Variants in ASTN2 observed in about 807,000 individuals in gnomAD.
ASTN2 encodes astrotactin 2.
In ASTN2, 54 loss-of-function variants were observed where a neutral mutation model predicts 139.8. That is an observed-to-expected ratio of 0.39 (90% CI 0.31 to 0.48). The LOEUF (loss-of-function observed/expected upper bound fraction) is 0.48. Among genes scored for constraint, ASTN2 ranks in the 20% least tolerant of loss-of-function variants. The pLI is 0.95. For synonymous variants in ASTN2, 756 were observed against 719.5 expected (o/e 1.05, Z -0.81); for missense variants, 1,565 against 1,725.1 (o/e 0.91, Z 1.64).
intron 13 of ASTN2, among the ~76,000 whole-genome samples, chr9:116,761,961 C>A (rs939075480): frequency 6.6e-6 from 1 of 152,100 alleles, no homozygotes; most frequent in Non-Finnish European, 1.5e-5. Flanking sequence ...TGGGTGCTGG[C>A]GAAGATTCTT....
Position 117,060,508 on chromosome 9 carries a change from A to AG in ASTN2, c.1277-20544dup, listed in dbSNP as rs1357097965. Among the ~76,000 whole-genome samples the AG allele has an allele frequency of 2.1e-4, 21 of 100,422 alleles. 1 individual carries two copies. The highest frequency in any genetic ancestry group is 1.6e-3 in the South Asian group (4 of 2,570). The allele number at this position is 100,422 out of a possible 152,430, so 65.9% of individuals were successfully genotyped here. ...AGGAATGAAAGAAAGAAAGAAAGAAAGAAAGGAAGGAAGGAAGGAAGGAAG... is the reference window on the plus strand; with the variant it reads ...AGGAATGAAAGAAAGAAAGAAAGAAAGGAAAGGAAGGAAGGAAGGAAGGAAG... On this transcript the variant is annotated intron_variant, in intron 5 of 22. Transcript: ENST00000313400.
chr9:117,017,081 G>C (rs868721686), intron 6 of ASTN2, among the ~76,000 whole-genome samples: 1 of 151,798 alleles, frequency 6.6e-6, no homozygotes, highest in Non-Finnish European at 1.5e-5. Context: ...AAGTTTTGAC[G>C]TTTCAAAAAA....
intron 6 of ASTN2, among the ~76,000 whole-genome samples, chr9:117,025,053 AC>A (rs1456496912): frequency 1.3e-5 from 2 of 151,836 alleles, no homozygotes; most frequent in Admixed American, 6.6e-5. Context: ...TGTGAGTCAA[AC>A]CTCCTTCCTC....
At chr9:116,707,601 C>G (rs1828027689) in intron 16 of ASTN2, among the ~76,000 whole-genome samples, 1 of 151,716 alleles carries the variant, frequency 6.6e-6, no homozygotes, top group African/African-American at 2.4e-5. Context: ...GGGAAAGAAA[C>G]AAAAAACTAA....
intron 1 of ASTN2, among the ~76,000 whole-genome samples, chr9:117,298,137 C>A (rs888783721): frequency 2.0e-5 from 3 of 152,204 alleles, no homozygotes; most frequent in Non-Finnish European, 4.4e-5. Context: ...TCTACTATCC[C>A]TCATAATAAA....
chr9:117,159,722 T>C (rs1830506667), intron 3 of ASTN2, among the ~76,000 whole-genome samples: 1 of 152,058 alleles, frequency 6.6e-6, no homozygotes, highest in Admixed American at 6.6e-5. Context: ...ATAAAGAAAC[T>C]AAAAGTCTAA....
intron 2 of ASTN2, among the ~76,000 whole-genome samples, chr9:117,216,528 T>C (rs1046176342): frequency 1.3e-4 from 20 of 152,106 alleles, no homozygotes; most frequent in African/African-American, 4.6e-4. Flanking sequence ...TGTGTATTTG[T>C]GTGTGTGTGT....
chr9:116,674,816 C>T (rs1859406453), intron 16 of ASTN2, among the ~76,000 whole-genome samples: 1 of 152,160 alleles, frequency 6.6e-6, no homozygotes. Context: ...TGATTTCATC[C>T]CTGACCAATC....
At chr9:116,438,849 C>T (rs547652620) in intron 22 of ASTN2, among the ~76,000 whole-genome samples, 14 of 152,218 alleles carry the variant, frequency 9.2e-5, no homozygotes, top group Admixed American at 6.5e-4. Context: ...ACTTGGGAGG[C>T]TGAGGCAGGA....
intron 2 of ASTN2, among the ~76,000 whole-genome samples, chr9:117,265,964 T>A (rs1471475528): frequency 6.6e-6 from 1 of 152,162 alleles, no homozygotes; most frequent in Admixed American, 6.5e-5. Context: ...ACTTAATCCT[T>A]CAGGAACCAT....
chr9:116,625,772 C>T (rs1042860723), intron 17 of ASTN2, among the ~76,000 whole-genome samples: 11 of 152,158 alleles, frequency 7.2e-5, no homozygotes, highest in African/African-American at 2.7e-4. Context: ...TTTTCTCATG[C>T]TGTGCCTTTG....
intron 3 of ASTN2, among the ~76,000 whole-genome samples, chr9:117,188,166 T>TAGAG (rs150848006): frequency 0.012 from 1,492 of 125,706 alleles, 19 homozygotes; most frequent in Admixed American, 0.037. Context: ...GTCTGTGTGA[T>TAGAG]AGAGAGAGAG....
intron 22 of ASTN2, among the ~76,000 whole-genome samples, chr9:116,430,023 A>G (rs1041205187): frequency 3.9e-5 from 6 of 152,220 alleles, no homozygotes; most frequent in African/African-American, 1.4e-4. Context: ...AAGAATAGGG[A>G]GACCAGTGAG....
At chr9:116,576,784 C>T (rs1203899715) in intron 19 of ASTN2, among the ~76,000 whole-genome samples, 2 of 152,140 alleles carry the variant, frequency 1.3e-5, no homozygotes, top group Non-Finnish European at 2.9e-5. Context: ...AGTGTTCTGG[C>T]TTGATCCCAT....
chr9:116,948,325 A>T (rs1015833719), intron 10 of ASTN2, among the ~76,000 whole-genome samples: 5 of 152,166 alleles, frequency 3.3e-5, no homozygotes, highest in African/African-American at 4.8e-5. Flanking sequence ...TCAGTATCAA[A>T]TGGTGGTTTC....
chr9:117,301,797 T>TA (rs1834881966), intron 1 of ASTN2, among the ~76,000 whole-genome samples: 1 of 152,194 alleles, frequency 6.6e-6, no homozygotes, highest in African/African-American at 2.4e-5. Flanking sequence ...CATTCTGTCT[T>TA]ACGGTGAATG....
At chr9:116,724,926 T>C (rs1311658327) in intron 16 of ASTN2, among the ~76,000 whole-genome samples, 10 of 152,190 alleles carry the variant, frequency 6.6e-5, no homozygotes, top group Admixed American at 6.5e-4. Flanking sequence ...CTGCTACTTA[T>C]TAGCTGTGTG....
intron 4 of ASTN2, among the ~76,000 whole-genome samples, chr9:117,116,645 G>A (rs1829399866): frequency 6.6e-6 from 1 of 150,488 alleles, no homozygotes; most frequent in Non-Finnish European, 1.5e-5. Flanking sequence ...GAAGGCAACA[G>A]TGGAAGCTTT....
At chr9:116,668,860 T>A (rs923723375) in intron 16 of ASTN2, among the ~76,000 whole-genome samples, 1 of 152,152 alleles carries the variant, frequency 6.6e-6, no homozygotes, top group Non-Finnish European at 1.5e-5. Flanking sequence ...TGACTTAGTG[T>A]GTCGGTCAGT....
Sources: allele counts gnomAD v4.1 joint callset (sites outside exome capture counted in the v4.1 genomes callset), GRCh38; gene constraint gnomAD v4.1.1; transcripts MANE v1.5; gene names NCBI Gene and HGNC (gene_info 2026-07-23, HGNC 2026-07-21).